The following ZNF704 variants were observed in gnomAD, a reference collection of about 807,000 sequenced individuals.
The protein encoded by ZNF704 is zinc finger protein 704, also known as glucocorticoid induced gene 1.
Under a neutral mutation model 44.7 loss-of-function variants are expected in ZNF704, and 10 were observed. That is an observed-to-expected ratio of 0.22 (90% CI 0.14 to 0.38). ZNF704 has a LOEUF of 0.38. Ranked by LOEUF, ZNF704 falls within the 10% of genes least tolerant of loss-of-function variation. The pLI is 1.00. For synonymous variants in ZNF704, 211 were observed against 207.6 expected, an observed-to-expected ratio of 1.02 and a Z score of -0.14; for missense variants, 390 against 545.5, an observed-to-expected ratio of 0.71 and a Z score of 2.84.
chr8:80,804,892 C>G (rs991699813), intron 2 of ZNF704, among the ~76,000 whole-genome samples: 1 of 152,112 alleles, frequency 6.6e-6, no homozygotes, highest in Non-Finnish European at 1.5e-5. Context: ...AGCTGTTCAT[C>G]TGGCTGAAAA....
chr8:80,772,431 G>A (rs560918756), intron 2 of ZNF704, among the ~76,000 whole-genome samples: 2 of 152,242 alleles, frequency 1.3e-5, no homozygotes, highest in East Asian at 3.9e-4. Flanking sequence ...AGCATTGCTG[G>A]GGAGGTCTCA....
chr8:80,736,382 C>T (rs570850944), intron 2 of ZNF704, among the ~76,000 whole-genome samples: 20 of 152,312 alleles, frequency 1.3e-4, no homozygotes, highest in South Asian at 8.3e-4. Flanking sequence ...CTGGTTCAAG[C>T]GATTCTCCTG....
chr8:80,670,080 T>C (rs1818255796), intron 5 of ZNF704, among the ~76,000 whole-genome samples: 1 of 152,200 alleles, frequency 6.6e-6, no homozygotes, highest in Non-Finnish European at 1.5e-5. Context: ...GTACATTTCA[T>C]TCCACAGGTA....
chr8:80,854,429 C>T (rs1315242389), intron 1 of ZNF704, among the ~76,000 whole-genome samples: 1 of 152,110 alleles, frequency 6.6e-6, no homozygotes, highest in Non-Finnish European at 1.5e-5. Flanking sequence ...ATCTCCTTTC[C>T]AACTCACTGG....
intron 2 of ZNF704, among the ~76,000 whole-genome samples, chr8:80,800,178 C>G (rs1807875338): frequency 6.6e-6 from 1 of 152,148 alleles, no homozygotes; most frequent in Admixed American, 6.5e-5. Flanking sequence ...TGTAAGGAGA[C>G]TGAACCTATG....
the ZNF704 span, among the ~76,000 whole-genome samples, chr8:80,883,202 C>T: frequency 3.5e-5 from 5 of 142,760 alleles, no homozygotes; most frequent in African/African-American, 1.0e-4. Flanking sequence ...GCTGAGATCA[C>T]GCCACTGCAC....
intron 2 of ZNF704, among the ~76,000 whole-genome samples, chr8:80,728,084 T>C (rs1326709851): frequency 6.6e-6 from 1 of 152,246 alleles, no homozygotes; most frequent in Non-Finnish European, 1.5e-5. Context: ...TATTAAATAA[T>C]ATAGTAATCA....
rs552868963 is a variant in ZNF704 at position 80,748,233 on chromosome 8, C to T, written c.222-55126G>A. Among the ~76,000 whole-genome samples, 36 of 151,656 alleles carry T rather than the reference C, an allele frequency of 2.4e-4. No individual in the cohort carries two copies. The Middle Eastern group carries it at 0.017, about 72-fold the overall frequency. ...AATAATGGCAAGTATATAACCAGAA[C>T]AAAATCATTGGTATATCTAATAAAA... On this transcript the variant is annotated intron_variant, in intron 2 of 8. Coordinates refer to ENST00000327835, the MANE Select transcript of ZNF704 (RefSeq NM_001033723.3).
chr8:80,693,863 TATG>T (rs1818681969), intron 2 of ZNF704, among the ~76,000 whole-genome samples: 1 of 152,128 alleles, frequency 6.6e-6, no homozygotes, highest in African/African-American at 2.4e-5. Context: ...AGTGAAGTAA[TATG>T]ATGAATATTT....
At chr8:80,870,437 ATCAC>A (rs1375450895) in intron 1 of ZNF704, among the ~76,000 whole-genome samples, 2 of 152,196 alleles carry the variant, frequency 1.3e-5, no homozygotes, top group Non-Finnish European at 2.9e-5. Flanking sequence ...CTCCAAGCAC[ATCAC>A]TCAAACTTCT....
intron 2 of ZNF704, chr8:80,812,004 A>G (rs1354952303): frequency 6.6e-6 from 1 of 152,372 alleles, no homozygotes; most frequent in Non-Finnish European, 1.5e-5. Flanking sequence ...ATGCACTTGA[A>G]TCATCCTGAA....
intron 2 of ZNF704, among the ~76,000 whole-genome samples, chr8:80,738,829 C>T (rs949434410): frequency 1.3e-5 from 2 of 151,990 alleles, no homozygotes; most frequent in Non-Finnish European, 2.9e-5. Flanking sequence ...ATGACTCTTC[C>T]TTCTTACAAG....
chr8:80,666,990 T>C (rs527295131), intron 5 of ZNF704, among the ~76,000 whole-genome samples: 4 of 152,290 alleles, frequency 2.6e-5, no homozygotes, highest in East Asian at 1.9e-4. Flanking sequence ...TTTGTCAATT[T>C]TGTCTTTTAA....
At chr8:80,868,830 C>G (rs1308668976) in intron 1 of ZNF704, among the ~76,000 whole-genome samples, 1 of 152,168 alleles carries the variant, frequency 6.6e-6, no homozygotes, top group Non-Finnish European at 1.5e-5. Flanking sequence ...TGCCCTCACT[C>G]TTCTTATGTC....
chr8:80,683,900 G>A (rs929555471), intron 4 of ZNF704, among the ~76,000 whole-genome samples: 2 of 152,178 alleles, frequency 1.3e-5, no homozygotes, highest in African/African-American at 4.8e-5. Flanking sequence ...GGGGGAGGTG[G>A]GAGAAGAGAT....
chr8:80,858,348 A>G (rs1343902839), intron 1 of ZNF704, among the ~76,000 whole-genome samples: 1 of 152,246 alleles, frequency 6.6e-6, no homozygotes, highest in African/African-American at 2.4e-5. Context: ...AAACTTCCAT[A>G]AACTTTGATG....
intron 1 of ZNF704, among the ~76,000 whole-genome samples, chr8:80,868,851 T>C (rs927492319): frequency 2.6e-5 from 4 of 152,194 alleles, no homozygotes; most frequent in Non-Finnish European, 5.9e-5. Flanking sequence ...ACTCAGTCTA[T>C]CATCATACAC....
intron 2 of ZNF704, among the ~76,000 whole-genome samples, chr8:80,770,904 G>A (rs750221903): frequency 3.8e-4 from 58 of 151,970 alleles, no homozygotes; most frequent in Non-Finnish European, 6.6e-4. Flanking sequence ...GTTTTATTTC[G>A]TTTTTTGTTG....
At chr8:80,749,398 A>ACCAT (rs752879364) in intron 2 of ZNF704, among the ~76,000 whole-genome samples, 6 of 152,172 alleles carry the variant, frequency 3.9e-5, no homozygotes, top group Non-Finnish European at 7.3e-5. Context: ...GGTCACCTAC[A>ACCAT]CCATTTAAAC....
Sources: allele counts gnomAD v4.1 joint callset (sites outside exome capture counted in the v4.1 genomes callset), GRCh38; gene constraint gnomAD v4.1.1; transcripts MANE v1.5; gene names NCBI Gene and HGNC (gene_info 2026-07-23, HGNC 2026-07-21).